The following ZC3H18 variants were observed in gnomAD, a reference collection of about 807,000 sequenced individuals.
ZC3H18 encodes zinc finger CCCH domain-containing protein 18.
Under a neutral mutation model 106.1 loss-of-function variants are expected in ZC3H18, and 8 were observed. The observed-to-expected ratio is 0.08, with a 90% CI of 0.04 to 0.14. ZC3H18 has a LOEUF of 0.14. ZC3H18 is among the 10% of genes least tolerant of loss of function. The pLI is 1.00. For synonymous variants in ZC3H18, 635 were observed against 522.1 expected (o/e 1.22, Z -2.95); for missense variants, 1,318 against 1,278.4 (o/e 1.03, Z -0.47).
At chr16:88,608,578 C>T (rs374317474) in intron 6 of ZC3H18, 74 of 158,730 alleles carry the variant, frequency 4.7e-4, no homozygotes, top group African/African-American at 1.6e-3. Context: ...GGTCAGGCTG[C>T]TCTCAAACTC....
Position 88,627,854 on chromosome 16 carries a change from C to G in ZC3H18, c.2270-66C>G. On this transcript the variant is annotated intron_variant, in intron 14 of 17. Coordinates refer to ENST00000301011, the MANE Select transcript of ZC3H18 (RefSeq NM_144604.4). This position sits in a 1 kb window ranked among gnomAD's most constrained non-coding sequence, Gnocchi z 4.5. ...AGGGCGGCATCAGCACAGACTTTGC[C>G]TGGCTGTTGGTGTGGCCATGGGAAA... 6.2e-7 allele frequency: 1 copy of G among 1,612,548 alleles called. No homozygotes were observed. Among genetic ancestry groups the G allele is most frequent in the African/African-American group, 1.3e-5 (1 of 75,038 alleles).
rs181040200 is a variant in ZC3H18, at chr16:88,572,616, C to T, written c.-15+2050C>T. Among the ~76,000 whole-genome samples, 9 of 152,160 alleles carry T rather than the reference C, an allele frequency of 5.9e-5. No homozygotes were observed. The East Asian group carries it at 1.7e-3, about 29-fold the overall frequency. On this transcript the variant is annotated intron_variant, in intron 1 of 17. Coordinates refer to ENST00000301011, the MANE Select transcript of ZC3H18 (RefSeq NM_144604.4). ...TTTAGTTCTAAATTGTGCTGAAAAT[C>T]TTCAGTTATAGATAGTGTAAGAAGA...
At chr16:88,583,017 A>G (rs1915225044) in intron 2 of ZC3H18, among the ~76,000 whole-genome samples, 1 of 152,210 alleles carries the variant, frequency 6.6e-6, no homozygotes, top group African/African-American at 2.4e-5. Context: ...TTTCACCCAC[A>G]TCCTGCAGAC....
Position 88,620,585 on chromosome 16 carries a change from G to GAA in ZC3H18, c.1476-1598_1476-1597dup, listed in dbSNP as rs577883900. The stretch of plus-strand genomic sequence containing the variant: ...AGAGCAAGACCCTGTCTCTAAAAAA[G>GAA]AAAAAAAAAAAAAAAGCCACGTTCT... On this transcript the variant is annotated intron_variant, in intron 8 of 17. Transcript: ENST00000301011. Among the ~76,000 whole-genome samples the GAA allele has an allele frequency of 3.4e-4, 35 of 102,448 alleles. 1 individual carries two copies. Among genetic ancestry groups the GAA allele is most frequent in the Non-Finnish European group, 4.8e-4 (23 of 48,218 alleles). The allele number at this position is 102,448 out of a possible 152,430, so 67.2% of individuals were successfully genotyped here. A position where few individuals can be genotyped will look rare whatever the true frequency, so the allele number is the denominator to read the frequency against.
In ZC3H18 at chr16:88,577,396, C is replaced by A. The variant is rs114437439; in HGVS notation, c.273C>A (p.Gly91=). Residue 91 remains glycine (G), a synonymous_variant, in exon 2 of 18, where the codon GGC becomes GGA. Transcript: ENST00000301011. The part of the protein sequence containing the change: ...QDSEVNELSR[G]PTSSPCEEEG... ...CAGAGGTGAATGAGCTGAGCCGGGG[C>A]CCGACCAGCTCCCCCTGCGAGGAGG... 1,233 of 1,597,980 alleles carry A rather than the reference C, an allele frequency of 7.7e-4. 12 individuals are homozygous for A. The East Asian group carries it at 0.02, about 26-fold the overall frequency.
rs372854001 is a variant in ZC3H18, at chr16:88,631,177, G to A, written c.2740G>A (p.Ala914Thr). The stretch of plus-strand genomic sequence containing the variant: ...GCCCGGCAAAGCCTCGGATCCCGGC[G>A]CCGCCAGCACCAAATCAGGGAAGGC... ...SVPGKASDPG[A>T]ASTKSGKAST... is the part of the protein sequence containing the mutation. Residue 914 changes from alanine to threonine, a missense_variant, in exon 18 of 18, where the codon GCC becomes ACC. By Grantham distance (58) the Ala-to-Thr change is moderately conservative (BLOSUM62 0). Around this residue, in one of 6 missense-constraint regions of ZC3H18, gnomAD observed 848 missense variants for 821.7 expected, o/e 1.03. Transcript: ENST00000301011. 20 of 1,613,376 alleles carry A rather than the reference G, an allele frequency of 1.2e-5. No individual in the cohort carries two copies. Among genetic ancestry groups the A allele is most frequent in the Middle Eastern group, 1.7e-4 (1 of 6,046 alleles).
chr16:88,583,600 T>C (rs1915266273), intron 2 of ZC3H18, among the ~76,000 whole-genome samples: 1 of 152,224 alleles, frequency 6.6e-6, no homozygotes, highest in Non-Finnish European at 1.5e-5. Context: ...GCTCTTAAAA[T>C]TGGAGTAGAT....
intron 13 of ZC3H18, chr16:88,626,346 T>A (rs1390415942): frequency 2.0e-5 from 3 of 152,126 alleles, no homozygotes; most frequent in South Asian, 4.1e-4. Context: ...ATCACGACAT[T>A]GCATTCCAGC....
At position 88,624,634 on chromosome 16, in the gene ZC3H18, C is replaced by T. The variant is rs1395486921; in HGVS notation, c.1931C>T (p.Pro644Leu). The T allele has an allele frequency of 1.2e-6, 2 of 1,613,984 alleles. No individual in the cohort carries two copies. The highest frequency in any genetic ancestry group is 1.7e-5 in the Admixed American group (1 of 60,032). ...EKSVKKPAPP[P>L]APPQATKTTA... is the part of the protein sequence containing the mutation. ...TCAGTGAAGAAGCCGGCCCCGCCTC[C>T]AGCCCCACCACAGGCCACCAAAACC... The change falls in exon 12 of 18, where the codon CCA becomes CTA. Residue 644 changes from proline (P) to leucine (L), a missense_variant. By Grantham distance (98) the Pro-to-Leu change is moderately conservative. This residue lies in a region of ZC3H18 where 848 missense variants were observed against 821.7 expected (regional missense o/e 1.03). Transcript: ENST00000301011.
intron 1 of ZC3H18, 97 bp from the exon 2 acceptor site, chr16:88,577,013 C>T: frequency 7.6e-7 from 1 of 1,315,202 alleles, no homozygotes; most frequent in African/African-American, 1.5e-5. Flanking sequence ...TGGGACCAAG[C>T]AGGATGGAAG....
chr16:88,603,912 C>T (rs1480453331), intron 6 of ZC3H18, among the ~76,000 whole-genome samples: 2 of 151,442 alleles, frequency 1.3e-5, no homozygotes, highest in Non-Finnish European at 2.9e-5. Context: ...GGATTACAGG[C>T]GTGAGCCACC....
At chr16:88,608,438 A>C (rs1370296896) in intron 6 of ZC3H18, 1 of 151,802 alleles carries the variant, frequency 6.6e-6, no homozygotes, top group African/African-American at 2.4e-5. Flanking sequence ...GTCTCGGCTC[A>C]TGGCAACCTC....
chr16:88,571,066 C>T (rs1475241570), intron 1 of ZC3H18, among the ~76,000 whole-genome samples: 1 of 152,216 alleles, frequency 6.6e-6, no homozygotes, highest in Non-Finnish European at 1.5e-5. Flanking sequence ...CCCCAAGACG[C>T]GCGCCGGTCT....
intron 6 of ZC3H18, among the ~76,000 whole-genome samples, chr16:88,600,665 T>A (rs1288208795): frequency 6.6e-6 from 1 of 152,212 alleles, no homozygotes; most frequent in Non-Finnish European, 1.5e-5. Flanking sequence ...CACCCACGCC[T>A]GCCTCCCAGA....
chr16:88,623,562 C>G (rs1906104668), intron 10 of ZC3H18: 1 of 643,616 alleles, frequency 1.6e-6, no homozygotes, highest in East Asian at 2.9e-5. Flanking sequence ...TCACTGAGGG[C>G]CACAGCCTGA....
intron 8 of ZC3H18, among the ~76,000 whole-genome samples, chr16:88,620,074 A>T (rs1460238626): frequency 6.6e-6 from 1 of 152,198 alleles, no homozygotes; most frequent in African/African-American, 2.4e-5. Flanking sequence ...GACAGTGTTA[A>T]GTGGGGAGCT....
In ZC3H18 at chr16:88,577,710, A is replaced by G; in HGVS notation, c.587A>G (p.Asp196Gly). The change falls in exon 2 of 18, where the codon GAT (aspartate) becomes GGT (glycine). Residue 196 changes from aspartate (D) to glycine (G), a missense_variant. By Grantham distance (94) the Asp-to-Gly change is moderately conservative. This residue lies in a region of ZC3H18 where 346 missense variants were observed against 269.0 expected (regional missense o/e 1.29). Coordinates refer to ENST00000301011, the MANE Select transcript of ZC3H18 (RefSeq NM_144604.4). Reference sequence around the variant, plus strand: ...AAAGAGGACGATGATGGAGAAATCGATGATGGGGAAATAGACGTGAGTATG... The same window carrying G: ...AAAGAGGACGATGATGGAGAAATCGGTGATGGGGAAATAGACGTGAGTATG... ...KKKEDDDGEI[D>G]DGEIDDDDLE... 1 of 1,613,452 alleles carries G rather than the reference A, an allele frequency of 6.2e-7. No homozygotes were observed.
chr16:88,623,161 G>T (rs530203060), intron 9 of ZC3H18, 58 bp from the exon 10 acceptor site: 2 of 1,586,132 alleles, frequency 1.3e-6, no homozygotes, highest in East Asian at 2.3e-5. Flanking sequence ...GCGTCAGGGC[G>T]TGTGGGGCAG....
chr16:88,578,476 A>G (rs1424440201), intron 2 of ZC3H18, among the ~76,000 whole-genome samples: 2 of 151,948 alleles, frequency 1.3e-5, no homozygotes, highest in African/African-American at 4.8e-5. Context: ...TGCCGGAGCT[A>G]TTGAACTCAA....
Sources: allele counts gnomAD v4.1 joint callset (sites outside exome capture counted in the v4.1 genomes callset), GRCh38; gene constraint gnomAD v4.1.1; regional missense constraint gnomAD v4.1.1; non-coding constraint Gnocchi (gnomAD v3.1); transcripts MANE v1.5; gene names NCBI Gene and HGNC (gene_info 2026-07-23, HGNC 2026-07-21).